KIAA1217: variants seen among roughly 807,000 people sequenced by gnomAD.
KIAA1217 encodes sickle tail protein homolog.
Under a neutral mutation model 163.9 loss-of-function variants are expected in KIAA1217, and 88 were observed. That is an observed-to-expected ratio of 0.54 (90% confidence interval 0.45 to 0.64). The LOEUF (loss-of-function observed/expected upper bound fraction) is 0.64, where lower values mean the gene tolerates loss of function less well. KIAA1217 is among the 30% of genes least tolerant of loss of function. The probability of loss-of-function intolerance (pLI) is 0.00; values close to 1 mark genes in which losing one functional copy is unlikely to be tolerated. For synonymous variants in KIAA1217, 903 were observed against 923.1 expected (o/e 0.98, Z 0.39); for missense variants, 2,372 against 2,475.0 (o/e 0.96, Z 0.88).
At chr10:23,820,214 C>A (rs1321591276) in intron 1 of KIAA1217, among the ~76,000 whole-genome samples, 3 of 152,148 alleles carry the variant, frequency 2.0e-5, no homozygotes, top group African/African-American at 7.2e-5. Flanking sequence ...TTCCTGACTC[C>A]TAGTTCAACA....
intron 3 of KIAA1217, among the ~76,000 whole-genome samples, chr10:24,417,597 G>A (rs1052224376): frequency 2.0e-5 from 3 of 152,136 alleles, no homozygotes; most frequent in African/African-American, 7.2e-5. Flanking sequence ...TGCTAGGACA[G>A]GGAACCCCCG....
intron 2 of KIAA1217, among the ~76,000 whole-genome samples, chr10:24,242,711 G>C (rs2073253000): frequency 6.6e-6 from 1 of 152,152 alleles, no homozygotes; most frequent in African/African-American, 2.4e-5. Context: ...CACCAGCAAT[G>C]TATAAGCACT....
At chr10:23,879,788 G>C in intron 1 of KIAA1217, among the ~76,000 whole-genome samples, 1 of 151,886 alleles carries the variant, frequency 6.6e-6, no homozygotes, top group Non-Finnish European at 1.5e-5. Context: ...TTGCATATTT[G>C]TGTGCTCTTG....
intron 1 of KIAA1217, among the ~76,000 whole-genome samples, chr10:23,799,371 T>C (rs1306013861): frequency 3.9e-5 from 6 of 152,138 alleles, no homozygotes; most frequent in Admixed American, 3.9e-4. Context: ...ATTAGGATCA[T>C]GTAAGATAAT....
chr10:23,943,701 C>T (rs918387069), intron 1 of KIAA1217, among the ~76,000 whole-genome samples: 2 of 152,130 alleles, frequency 1.3e-5, no homozygotes, highest in African/African-American at 4.8e-5. Context: ...TTGGAAAATC[C>T]ATACTACCTG....
chr10:24,302,184 T>G (rs995387428), intron 2 of KIAA1217, among the ~76,000 whole-genome samples: 1 of 152,130 alleles, frequency 6.6e-6, no homozygotes, highest in Non-Finnish European at 1.5e-5. Context: ...TATATAGCAT[T>G]TTCACTTAGC....
At chr10:23,906,581 T>G (rs1222717104) in intron 1 of KIAA1217, among the ~76,000 whole-genome samples, 7 of 152,152 alleles carry the variant, frequency 4.6e-5, no homozygotes, top group African/African-American at 1.7e-4. Context: ...TATAGAACTG[T>G]GTCTAGGAAA....
chr10:23,948,175 C>G (rs1040801756), intron 1 of KIAA1217, among the ~76,000 whole-genome samples: 1 of 152,140 alleles, frequency 6.6e-6, no homozygotes, highest in Non-Finnish European at 1.5e-5. Context: ...GTTCAAATCC[C>G]AGCTCTCACC....
At chr10:24,197,513 T>C in intron 2 of KIAA1217, among the ~76,000 whole-genome samples, 1 of 152,230 alleles carries the variant, frequency 6.6e-6, no homozygotes, top group East Asian at 1.9e-4. Context: ...CCAAAGTCAA[T>C]CAGGGAAAAG....
intron 3 of KIAA1217, among the ~76,000 whole-genome samples, chr10:24,389,919 G>T (rs1027924155): frequency 2.1e-5 from 3 of 146,078 alleles, no homozygotes; most frequent in Non-Finnish European, 4.5e-5. Context: ...TCCATCTCTA[G>T]TACTGAAGTG....
chr10:24,330,812 C>T (rs1335927934), intron 2 of KIAA1217, among the ~76,000 whole-genome samples: 4 of 152,086 alleles, frequency 2.6e-5, no homozygotes, highest in East Asian at 1.9e-4. Flanking sequence ...ATGGGTTTTT[C>T]CATGTTGCTC....
At chr10:23,905,839 T>C (rs1273733519) in intron 1 of KIAA1217, among the ~76,000 whole-genome samples, 1 of 152,192 alleles carries the variant, frequency 6.6e-6, no homozygotes, top group East Asian at 1.9e-4. Context: ...GGGAAGTGTG[T>C]GCACACAAGC....
intron 2 of KIAA1217, among the ~76,000 whole-genome samples, chr10:24,059,096 C>T (rs527561794): frequency 6.6e-6 from 1 of 152,214 alleles, no homozygotes; most frequent in African/African-American, 2.4e-5. Flanking sequence ...ATGAAGGTTT[C>T]AATTTTATAA....
intron 1 of KIAA1217, among the ~76,000 whole-genome samples, chr10:23,708,788 A>T (rs1287139763): frequency 1.3e-5 from 2 of 152,154 alleles, no homozygotes; most frequent in African/African-American, 4.8e-5. Context: ...ACATATATGG[A>T]TGAAGAAGAT....
At chr10:24,312,391 G>A (rs1246364195) in intron 2 of KIAA1217, among the ~76,000 whole-genome samples, 8 of 151,958 alleles carry the variant, frequency 5.3e-5, no homozygotes, top group Non-Finnish European at 7.4e-5. Flanking sequence ...CAAGGCGGCC[G>A]AATCACCTGA....
At chr10:24,107,295 C>A (rs1256303558) in intron 2 of KIAA1217, among the ~76,000 whole-genome samples, 3 of 152,240 alleles carry the variant, frequency 2.0e-5, no homozygotes, top group Non-Finnish European at 2.9e-5. Context: ...TGATGGGCAT[C>A]TAGATTGATT....
chr10:24,269,939 T>A (rs1044552613), intron 2 of KIAA1217, among the ~76,000 whole-genome samples: 1 of 152,088 alleles, frequency 6.6e-6, no homozygotes, highest in Non-Finnish European at 1.5e-5. Flanking sequence ...AGGCCTCTAG[T>A]CTCTTCCCAC....
intron 10 of KIAA1217, among the ~76,000 whole-genome samples, chr10:24,516,975 C>T (rs995158700): frequency 5.3e-5 from 8 of 151,912 alleles, no homozygotes; most frequent in East Asian, 1.9e-4. Flanking sequence ...GCCTGGGCAA[C>T]GCAGGAACAC....
At chr10:23,937,042 T>G (rs1195986684) in intron 1 of KIAA1217, among the ~76,000 whole-genome samples, 1 of 152,110 alleles carries the variant, frequency 6.6e-6, no homozygotes, top group African/African-American at 2.4e-5. Flanking sequence ...TGATGCCTAA[T>G]TTTTGTATTT....
Sources: allele counts gnomAD v4.1 joint callset (sites outside exome capture counted in the v4.1 genomes callset), GRCh38; gene constraint gnomAD v4.1.1; transcripts MANE v1.5; gene names NCBI Gene and HGNC (gene_info 2026-07-23, HGNC 2026-07-21).